Variants in GNAQ observed in about 807,000 individuals in gnomAD.
GNAQ encodes G protein subunit alpha q.
GNAQ carries 8 observed loss-of-function variants against 43.9 expected under a neutral mutation model. The ratio of observed to expected loss-of-function variants is 0.18; its 90% confidence interval spans 0.11 to 0.33. The LOEUF is 0.33. GNAQ is among the 10% of genes least tolerant of loss of function. The probability of loss-of-function intolerance (pLI) is 1.00; values close to 1 mark genes in which losing one functional copy is unlikely to be tolerated. For synonymous variants in GNAQ, 155 were observed against 170.7 expected, an observed-to-expected ratio of 0.91 and a Z score of 0.71; for missense variants, 158 against 450.8, an observed-to-expected ratio of 0.35 and a Z score of 5.88.
chr9:78,010,936 G>A (rs949896355), intron 1 of GNAQ, among the ~76,000 whole-genome samples: 32 of 152,200 alleles, frequency 2.1e-4, no homozygotes, highest in Admixed American at 6.5e-5. Context: ...AGGGGCTAAA[G>A]AGGAACAACA....
intron 5 of GNAQ, among the ~76,000 whole-genome samples, chr9:77,774,903 A>T (rs1826283994): frequency 6.6e-6 from 1 of 152,236 alleles, no homozygotes; most frequent in Non-Finnish European, 1.5e-5. Flanking sequence ...TAAAACATAA[A>T]AACAAAATGA....
intron 5 of GNAQ, among the ~76,000 whole-genome samples, chr9:77,769,886 T>G (rs1455729216): frequency 1.3e-5 from 2 of 152,060 alleles, no homozygotes; most frequent in African/African-American, 4.8e-5. Flanking sequence ...CAGGATGGTC[T>G]CGATCTCCTG....
chr9:78,026,533 A>G (rs920533368), intron 1 of GNAQ, among the ~76,000 whole-genome samples: 35 of 152,242 alleles, frequency 2.3e-4, no homozygotes, highest in African/African-American at 8.2e-4. Flanking sequence ...AAGCAGTCTC[A>G]TAAACACCAT....
chr9:77,755,441 G>A (rs1007379329), intron 5 of GNAQ, among the ~76,000 whole-genome samples: 13 of 152,090 alleles, frequency 8.5e-5, no homozygotes, highest in Non-Finnish European at 1.8e-4. Flanking sequence ...ATTACACACT[G>A]CATGCCTCTA....
intron 2 of GNAQ, among the ~76,000 whole-genome samples, chr9:77,891,896 T>C (rs1273194010): frequency 3.9e-5 from 6 of 152,166 alleles, no homozygotes; most frequent in African/African-American, 7.2e-5. Context: ...ACAAACCCCT[T>C]TGAACTACAG....
intron 5 of GNAQ, among the ~76,000 whole-genome samples, chr9:77,791,346 A>C (rs1025372028): frequency 3.9e-5 from 6 of 152,244 alleles, no homozygotes; most frequent in Admixed American, 1.3e-4. Context: ...AATATGTTAT[A>C]AGCATGTCTT....
chr9:77,975,844 G>A (rs1319385287), intron 1 of GNAQ, among the ~76,000 whole-genome samples: 2 of 151,918 alleles, frequency 1.3e-5, no homozygotes, highest in Non-Finnish European at 2.9e-5. Context: ...CCCCGTTATC[G>A]GCCTTTTAAT....
Position 77,947,308 on chromosome 9 carries a change from A to G in GNAQ, c.137-24963T>C, listed in dbSNP as rs536208677. Among the ~76,000 whole-genome samples the G allele has an allele frequency of 3.3e-5, 5 of 152,326 alleles. No homozygotes were observed. In the South Asian group the frequency reaches 1.0e-3, roughly 32 times the overall value. On this transcript the variant is annotated intron_variant, in intron 1 of 6. Coordinates refer to ENST00000286548, the MANE Select transcript of GNAQ (RefSeq NM_002072.5). ...AGGCAAGCAGTGAGCCCTGGGCTGG[A>G]CTGTACTTCCCAGGGGCACAGGCTG...
At chr9:77,735,266 C>T (rs940416037) in intron 5 of GNAQ, among the ~76,000 whole-genome samples, 1 of 152,168 alleles carries the variant, frequency 6.6e-6, no homozygotes, top group Admixed American at 6.5e-5. Flanking sequence ...TAAAGAACAC[C>T]TTACAGATTA....
Position 77,773,736 on chromosome 9 carries a change from G to C in GNAQ, c.735+20727C>G, listed in dbSNP as rs112388732. Among the ~76,000 whole-genome samples the C allele has an allele frequency of 1.6e-3, 243 of 152,246 alleles. 1 individual carries two copies. The highest frequency in any genetic ancestry group is 5.5e-3 in the African/African-American group (230 of 41,536). On this transcript the variant is annotated intron_variant, in intron 5 of 6. Coordinates refer to ENST00000286548, the MANE Select transcript of GNAQ (RefSeq NM_002072.5). The stretch of plus-strand genomic sequence containing the variant: ...ATGCTGCTTTTCTTCATAGGTTCCC[G>C]TGTGAAAACATGTTAGAGATGTTAC...
chr9:77,992,304 C>T (rs929873671), intron 1 of GNAQ, among the ~76,000 whole-genome samples: 7 of 152,132 alleles, frequency 4.6e-5, no homozygotes, highest in African/African-American at 1.4e-4. Flanking sequence ...CCTTAATTTC[C>T]GTAACAGAAA....
chr9:77,813,049 A>G (rs1315585756), intron 3 of GNAQ, among the ~76,000 whole-genome samples: 1 of 151,924 alleles, frequency 6.6e-6, no homozygotes, highest in Non-Finnish European at 1.5e-5. Context: ...AGTAGCTAGG[A>G]CTACAGGCGC....
intron 1 of GNAQ, among the ~76,000 whole-genome samples, chr9:78,022,166 C>T (rs908075752): frequency 6.6e-6 from 1 of 152,196 alleles, no homozygotes; most frequent in African/African-American, 2.4e-5. Flanking sequence ...CCCGAAGGAG[C>T]CCACCAGACC....
intron 1 of GNAQ, among the ~76,000 whole-genome samples, chr9:77,927,060 A>AT (rs1829081207): frequency 6.6e-6 from 1 of 152,158 alleles, no homozygotes; most frequent in South Asian, 2.1e-4. Flanking sequence ...AATACATCAC[A>AT]TTAGACACAC....
intron 1 of GNAQ, among the ~76,000 whole-genome samples, chr9:78,021,156 A>T (rs939289847): frequency 2.6e-5 from 4 of 150,972 alleles, no homozygotes; most frequent in Admixed American, 2.6e-4. Context: ...CTCCTAAGTA[A>T]CTGGGACCAC....
At chr9:77,908,085 AC>A (rs968404520) in intron 2 of GNAQ, among the ~76,000 whole-genome samples, 5 of 152,158 alleles carry the variant, frequency 3.3e-5, no homozygotes, top group African/African-American at 1.2e-4. Flanking sequence ...TACTTACCTC[AC>A]ATTTTGGAGC....
rs1828428025 is a variant in GNAQ, at chr9:77,892,961, CT to C, written c.321+29199del. On this transcript the variant is annotated intron_variant, in intron 2 of 6. Transcript: ENST00000286548. Reference sequence around the variant, plus strand: ...TATTTGAATGTAGTAGGTAAGATAACTCTATCAAAATGTCAAAGGGTTTTAT... The same window carrying C: ...TATTTGAATGTAGTAGGTAAGATAACCTATCAAAATGTCAAAGGGTTTTAT... 2.6e-5 allele frequency among the ~76,000 whole-genome samples: 4 copies of C among 152,114 alleles called. No individual in the cohort carries two copies. In the South Asian group the frequency reaches 8.3e-4, roughly 31 times the overall value.
intron 2 of GNAQ, among the ~76,000 whole-genome samples, chr9:77,885,800 C>CA (rs77113247): frequency 8.4e-4 from 103 of 123,278 alleles, no homozygotes; most frequent in East Asian, 2.1e-3. Flanking sequence ...GAACAAGGAC[C>CA]AAAAAAAAAA....
intron 2 of GNAQ, among the ~76,000 whole-genome samples, chr9:77,831,324 A>T (rs1178411774): frequency 2.0e-5 from 3 of 152,196 alleles, no homozygotes; most frequent in Admixed American, 2.0e-4. Context: ...GGAGTGCATG[A>T]TTTTAAAAAT....
Sources: allele counts gnomAD v4.1 joint callset (sites outside exome capture counted in the v4.1 genomes callset), GRCh38; gene constraint gnomAD v4.1.1; transcripts MANE v1.5; gene names NCBI Gene and HGNC (gene_info 2026-07-23, HGNC 2026-07-21).